The following PCNT variants were observed in gnomAD, a reference collection of about 807,000 sequenced individuals.
PCNT encodes the protein pericentrin.
Under a neutral mutation model 380.4 loss-of-function variants are expected in PCNT, and 319 were observed. The observed-to-expected ratio is 0.84, with a 90% confidence interval of 0.77 to 0.92. PCNT has a LOEUF of 0.92. PCNT is among the 40% of genes least tolerant of loss of function. The probability of loss-of-function intolerance (pLI) is 0.00; values close to 1 mark genes in which losing one functional copy is unlikely to be tolerated. For synonymous variants in PCNT, 1,845 were observed against 1,735.2 expected (o/e 1.06, Z -1.57); for missense variants, 4,400 against 4,255.3 (o/e 1.03, Z -0.95).
chr21:46,336,886 C>CT (rs1344868738), intron 3 of PCNT, among the ~76,000 whole-genome samples: 1 of 151,950 alleles, frequency 6.6e-6, no homozygotes, highest in Non-Finnish European at 1.5e-5. Context: ...TCTGCCCTCC[C>CT]CCCCAGGTTT....
intron 25 of PCNT, among the ~76,000 whole-genome samples, chr21:46,400,900 G>A (rs573135865): frequency 2.0e-5 from 3 of 152,270 alleles, no homozygotes; most frequent in Admixed American, 2.0e-4. Context: ...TTTCCGTTCC[G>A]CTGTCGCAGG....
At chr21:46,337,552 C>T (rs2083788339) in intron 3 of PCNT, among the ~76,000 whole-genome samples, 1 of 152,112 alleles carries the variant, frequency 6.6e-6, no homozygotes, top group Admixed American at 6.6e-5. Context: ...GATCCCACAA[C>T]ATCCTGGTCA....
In PCNT at chr21:46,431,762, C is replaced by T. The variant is rs779372343; in HGVS notation, c.8298C>T (p.Leu2766=). Residue 2766 remains leucine, a synonymous_variant, in exon 38 of 47, where the codon CTC becomes CTT. Transcript: ENST00000359568. ...CAGAGGCCTTGCGGCACGAGCGGCT[C>T]CTGACCGAGCAGCTGAGCCAGAGGA... is the stretch of plus-strand genomic sequence containing the variant. ...ELSEALRHER[L]LTEQLSQRTQ... is the part of the protein sequence containing the mutation. 1.9e-6 allele frequency: 3 copies of T among 1,612,664 alleles called. No individual in the cohort carries two copies. The highest frequency in any genetic ancestry group is 2.7e-5 in the African/African-American group (2 of 74,940).
At chr21:46,335,082 T>C (rs1486157208) in intron 3 of PCNT, among the ~76,000 whole-genome samples, 2 of 152,198 alleles carry the variant, frequency 1.3e-5, no homozygotes, top group African/African-American at 4.8e-5. Context: ...CCTTCATAAG[T>C]TTGAGGAATG....
At chr21:46,354,194 C>G (rs1391922451) in intron 11 of PCNT, 126 bp downstream of exon 11, 5 of 846,500 alleles carry the variant, frequency 5.9e-6, no homozygotes, top group Non-Finnish European at 5.9e-6. Flanking sequence ...AGGCTGCTTG[C>G]GGATGCTGCC....
chr21:46,349,548 C>T (rs2084193003), intron 7 of PCNT, 136 bp from the exon 8 acceptor site: 6 of 896,320 alleles, frequency 6.7e-6, no homozygotes, highest in Non-Finnish European at 9.4e-6. Context: ...GCATGTGAGG[C>T]TCAAACGAGG....
chr21:46,429,770 A>T (rs543842205), intron 35 of PCNT, among the ~76,000 whole-genome samples: 1 of 152,060 alleles, frequency 6.6e-6, no homozygotes, highest in African/African-American at 2.4e-5. Flanking sequence ...CCCCAGGGCT[A>T]TATCACTCCT....
intron 17 of PCNT, among the ~76,000 whole-genome samples, chr21:46,386,552 G>A (rs984087557): frequency 1.8e-4 from 27 of 152,336 alleles, no homozygotes; most frequent in Admixed American, 1.0e-3. Context: ...GCGGGGTGTG[G>A]GTCTGCTTAC....
chr21:46,382,209 G>A (rs113463645), intron 16 of PCNT, among the ~76,000 whole-genome samples: 12,794 of 144,124 alleles, frequency 0.089, 2,187 homozygotes, highest in African/African-American at 0.27. Context: ...ATTCAGTGGC[G>A]GAAGCGCATT....
rs772364391 is a variant in PCNT at position 46,349,752 on chromosome 21, G to A, written c.1276G>A (p.Glu426Lys). 1.1e-4 allele frequency: 172 copies of A among 1,613,848 alleles called. No homozygotes were observed. Among genetic ancestry groups the A allele is most frequent in the Non-Finnish European group, 1.4e-4 (169 of 1,179,850 alleles). ...GAAGTTACGTGAAGACCTGCAGTCC[G>A]AGCACGGCCGGTGTTTAGAAGACTT... Reference protein sequence around the residue: ...IEKLREDLQSEHGRCLEDLEF... With the variant: ...IEKLREDLQSKHGRCLEDLEF... The change falls in exon 8 of 47, where the codon GAG becomes AAG. Residue 426 changes from glutamate to lysine, a missense_variant. Coordinates refer to ENST00000359568, the MANE Select transcript of PCNT (RefSeq NM_006031.6).
chr21:46,421,027 G>A (rs1311089956), intron 31 of PCNT: 1 of 152,268 alleles, frequency 6.6e-6, no homozygotes, highest in Non-Finnish European at 1.5e-5. Context: ...TGCTCCTGAG[G>A]CCTTCATGCT....
At chr21:46,348,056 C>T (rs1178802464) in intron 6 of PCNT, among the ~76,000 whole-genome samples, 4 of 152,176 alleles carry the variant, frequency 2.6e-5, no homozygotes, top group Non-Finnish European at 5.9e-5. Context: ...GCTCTCAGGC[C>T]CTTGGCAGAC....
chr21:46,445,745 T>G lies in PCNT; in HGVS notation c.*418T>G, dbSNP rs2053735279. 1 of 173,428 alleles carries G rather than the reference T, an allele frequency of 5.8e-6. No homozygotes were observed. Among genetic ancestry groups the G allele is most frequent in the Non-Finnish European group, 1.2e-5 (1 of 80,394 alleles). The allele number at this position is 173,428 out of a possible 1,614,324, so 10.7% of individuals were successfully genotyped here. ...AAAACAACTCAAAAAGGAATAAAAT[T>G]TAATCACTGTTTTGTTTGTGAATAG... is the stretch of plus-strand genomic sequence containing the variant. On this transcript the variant is annotated 3_prime_UTR_variant, in exon 47 of 47. Transcript: ENST00000359568.
intron 8 of PCNT, among the ~76,000 whole-genome samples, chr21:46,351,044 A>C (rs2084247931): frequency 1.3e-5 from 2 of 152,288 alleles, no homozygotes; most frequent in South Asian, 4.1e-4. Flanking sequence ...AGTCTTGGGT[A>C]CTGTGGGCTA....
chr21:46,380,659 A>G (rs2085500467), intron 15 of PCNT, among the ~76,000 whole-genome samples: 1 of 152,028 alleles, frequency 6.6e-6, no homozygotes, highest in Non-Finnish European at 1.5e-5. Flanking sequence ...AAAGTTAAGC[A>G]CCTGAAGTTT....
At chr21:46,406,230 C>T (rs891840914) in intron 27 of PCNT, among the ~76,000 whole-genome samples, 77 of 152,216 alleles carry the variant, frequency 5.1e-4, no homozygotes, top group Admixed American at 3.7e-3. Flanking sequence ...ATCCTAACAC[C>T]TCATCCTCAA....
Position 46,349,802 on chromosome 21 carries a change from G to A in PCNT, c.1326G>A (p.Glu442=). Residue 442 remains glutamate, a synonymous_variant, in exon 8 of 47, where the codon GAG becomes GAA. Transcript: ENST00000359568. ...TGGAGTTCAAGTTCAAAGAGAGCGAGAAAGAAAAACAGCTGGAGGTGGGCA... is the reference window on the plus strand; with the variant it reads ...TGGAGTTCAAGTTCAAAGAGAGCGAAAAAGAAAAACAGCTGGAGGTGGGCA... ...EDLEFKFKES[E]KEKQLELENL... 1 of 1,614,180 alleles carries A rather than the reference G, an allele frequency of 6.2e-7. No homozygotes were observed.
At chr21:46,363,987 G>C (rs1340024108) in intron 14 of PCNT, 53 bp downstream of exon 14, 7 of 1,536,584 alleles carry the variant, frequency 4.6e-6, no homozygotes, top group Non-Finnish European at 6.2e-6. Context: ...ACACCTTGGA[G>C]GGTAGAAGGT....
At chr21:46,421,360 G>A (rs1336978471) in intron 31 of PCNT, among the ~76,000 whole-genome samples, 4 of 152,184 alleles carry the variant, frequency 2.6e-5, no homozygotes, top group African/African-American at 9.7e-5. Flanking sequence ...TCTGGGTCTC[G>A]TGTCCCTTAC....
Sources: gnomAD v4.1 joint callset for allele counts (sites outside exome capture counted in the v4.1 genomes callset) on GRCh38, gnomAD v4.1.1 for gene constraint, MANE v1.5 for transcripts, NCBI Gene and HGNC (gene_info 2026-07-23, HGNC 2026-07-21) for gene names.